Variants in FAM3C observed in about 807,000 individuals in gnomAD.
The protein encoded by FAM3C is FAM3 metabolism regulating signaling molecule C, also known as protein FAM3C.
A neutral mutation model predicts 32.5 loss-of-function variants in FAM3C; 15 were observed. The ratio of observed to expected loss-of-function variants is 0.46; its 90% CI spans 0.31 to 0.71. The LOEUF is 0.71. Ranked by LOEUF, FAM3C falls within the 30% of genes least tolerant of loss-of-function variation. The pLI, the probability that FAM3C is intolerant of heterozygous loss-of-function variation, is 0.05. For synonymous variants in FAM3C, 75 were observed against 86.1 expected (o/e 0.87, Z 0.72); for missense variants, 175 against 274.4 (o/e 0.64, Z 2.56).
At chr7:121,392,980 TAGGAA>T (rs1584712873) in intron 1 of FAM3C, among the ~76,000 whole-genome samples, 2 of 152,204 alleles carry the variant, frequency 1.3e-5, no homozygotes, top group African/African-American at 4.8e-5. Flanking sequence ...ATTCAATTTT[TAGGAA>T]AATCCAGAAT....
At chr7:121,357,611 A>G (rs950316087) in intron 8 of FAM3C, among the ~76,000 whole-genome samples, 2 of 152,194 alleles carry the variant, frequency 1.3e-5, no homozygotes, top group African/African-American at 4.8e-5. Context: ...GGAAAAGGAA[A>G]TATTTGAAAT....
At chr7:121,370,839 T>G (rs978276720) in intron 5 of FAM3C, among the ~76,000 whole-genome samples, 1 of 152,216 alleles carries the variant, frequency 6.6e-6, no homozygotes, top group Admixed American at 6.5e-5. Flanking sequence ...ATAGGATTTC[T>G]GCCACGATGA....
In FAM3C at chr7:121,356,108, C is replaced by T. The variant is rs112494613; in HGVS notation, c.467+3935G>A. 3.0e-3 allele frequency among the ~76,000 whole-genome samples: 452 copies of T among 149,880 alleles called. 4 individuals carry two copies. Among genetic ancestry groups the T allele is most frequent in the African/African-American group, 0.011 (434 of 41,064 alleles). On this transcript the variant is annotated intron_variant, in intron 8 of 9. Transcript: ENST00000359943. ...TTTAACTTGACCAAAAACTCACGAG[C>T]CAAAAATGTAATGTGACTGTTTAAA...
chr7:121,394,257 A>G (rs956544086), intron 1 of FAM3C, among the ~76,000 whole-genome samples: 17 of 152,206 alleles, frequency 1.1e-4, no homozygotes, highest in Admixed American at 2.6e-4. Context: ...CTCAGGGAAC[A>G]TTACTTTTTG....
At chr7:121,354,236 A>C (rs1340352750) in intron 8 of FAM3C, among the ~76,000 whole-genome samples, 1 of 152,194 alleles carries the variant, frequency 6.6e-6, no homozygotes. Context: ...TTGGAGATAC[A>C]AGCTTTTTAT....
At chr7:121,368,470 T>C (rs1457386962) in intron 5 of FAM3C, among the ~76,000 whole-genome samples, 3 of 152,212 alleles carry the variant, frequency 2.0e-5, no homozygotes, top group African/African-American at 7.2e-5. Flanking sequence ...GTATAAGCAA[T>C]AAAGTCTGTT....
intron 1 of FAM3C, among the ~76,000 whole-genome samples, chr7:121,391,950 T>C (rs74647308): frequency 0.034 from 5,232 of 152,272 alleles, 325 homozygotes; most frequent in African/African-American, 0.12. Context: ...TTAAGCTTAA[T>C]CAATCAGAAA....
chr7:121,385,197 A>G (rs905259751), intron 1 of FAM3C, among the ~76,000 whole-genome samples: 4 of 152,180 alleles, frequency 2.6e-5, no homozygotes, highest in African/African-American at 7.2e-5. Flanking sequence ...AGGTAGAAAT[A>G]TAGATATTAG....
chr7:121,361,816 C>A (rs909643657), intron 7 of FAM3C, among the ~76,000 whole-genome samples: 1 of 152,118 alleles, frequency 6.6e-6, no homozygotes, highest in Non-Finnish European at 1.5e-5. Context: ...GTAGCTGGAA[C>A]TAAAGGTGCA....
Position 121,350,505 on chromosome 7 carries a change from C to T in FAM3C, c.640G>A (p.Glu214Lys), listed in dbSNP as rs1467180590. 6.2e-7 allele frequency: 1 copy of T among 1,612,648 alleles called. No individual in the cohort carries two copies. Among genetic ancestry groups the T allele is most frequent in the Non-Finnish European group, 8.5e-7 (1 of 1,179,422 alleles). ...KDTNKYEGWP[E>K]VVEMEGCIPQ... ...ATGCATCCTTCCATTTCTACAACTT[C>T]AGGCCATCCTTCATATTTGTTTGTA... is the stretch of plus-strand genomic sequence containing the variant. The change falls in exon 10 of 10, where the codon GAA becomes AAA. Residue 214 changes from glutamate (E) to lysine (K), a missense_variant. Coordinates refer to ENST00000359943, the MANE Select transcript of FAM3C (RefSeq NM_014888.3).
Position 121,351,240 on chromosome 7 carries a change from G to C in FAM3C, c.497C>G (p.Ala166Gly). The C allele has an allele frequency of 1.2e-6, 2 of 1,613,448 alleles. No homozygotes were observed. Among genetic ancestry groups the C allele is most frequent in the Non-Finnish European group, 1.7e-6 (2 of 1,179,634 alleles). ...KLNDEARRLI[A>G]DLGSTSITNL... Reference sequence around the variant, plus strand: ...AGTAATAGATGTGCTCCCCAAATCAGCAATGAGCCGCCGTGCCTCATCATT... The same window carrying C: ...AGTAATAGATGTGCTCCCCAAATCACCAATGAGCCGCCGTGCCTCATCATT... Residue 166 changes from alanine (A) to glycine (G), a missense_variant, in exon 9 of 10, where the codon GCT (alanine) becomes GGT (glycine). Physicochemically the swap from Ala to Gly is moderately conservative, Grantham distance 60 (BLOSUM62 0). Transcript: ENST00000359943.
chr7:121,376,063 T>C (rs1794233439), intron 3 of FAM3C, among the ~76,000 whole-genome samples: 1 of 152,142 alleles, frequency 6.6e-6, no homozygotes, highest in South Asian at 2.1e-4. Context: ...TTCAATATGG[T>C]TTCCACCCCA....
intron 5 of FAM3C, among the ~76,000 whole-genome samples, chr7:121,367,772 C>T (rs747020318): frequency 6.6e-6 from 1 of 152,054 alleles, no homozygotes; most frequent in African/African-American, 2.4e-5. Flanking sequence ...TTCAAGACCA[C>T]CTTGGGCAAC....
chr7:121,369,510 G>A (rs1294568932), intron 5 of FAM3C, among the ~76,000 whole-genome samples: 1 of 152,146 alleles, frequency 6.6e-6, no homozygotes, highest in African/African-American at 2.4e-5. Flanking sequence ...CCTGAAATAA[G>A]GATGGATAGG....
intron 2 of FAM3C, among the ~76,000 whole-genome samples, chr7:121,381,656 C>CCACACACACACACACA (rs67277678): frequency 4.2e-4 from 60 of 142,238 alleles, no homozygotes; most frequent in African/African-American, 5.4e-4. Context: ...CAAAGAACAT[C>CCACACACACACACACA]CACACACACA....
chr7:121,369,967 C>T (rs576570006), intron 5 of FAM3C, among the ~76,000 whole-genome samples: 1 of 152,286 alleles, frequency 6.6e-6, no homozygotes, highest in Non-Finnish European at 1.5e-5. Flanking sequence ...CTTCTCTGAA[C>T]TAAAATTCAC....
At chr7:121,371,213 C>A in intron 5 of FAM3C, 87 bp downstream of exon 5, 4 of 1,466,844 alleles carry the variant, frequency 2.7e-6, no homozygotes, top group Non-Finnish European at 3.8e-6. Flanking sequence ...GTATACCGAA[C>A]ACATTTTCAA....
At chr7:121,368,168 T>C (rs974164802) in intron 5 of FAM3C, among the ~76,000 whole-genome samples, 1 of 152,014 alleles carries the variant, frequency 6.6e-6, no homozygotes, top group Admixed American at 6.6e-5. Flanking sequence ...TGTATCAGAG[T>C]TTCTCAAACC....
At chr7:121,374,224 T>C (rs1794200190) in intron 3 of FAM3C, among the ~76,000 whole-genome samples, 1 of 152,088 alleles carries the variant, frequency 6.6e-6, no homozygotes, top group Non-Finnish European at 1.5e-5. Flanking sequence ...AGAAACTGAG[T>C]AAACAGTATG....
Sources: gnomAD v4.1 joint callset for allele counts (sites outside exome capture counted in the v4.1 genomes callset) on GRCh38, gnomAD v4.1.1 for gene constraint, MANE v1.5 for transcripts, NCBI Gene and HGNC (gene_info 2026-07-23, HGNC 2026-07-21) for gene names.